Variants in FANCI observed in about 807,000 individuals in gnomAD.
FANCI encodes FA complementation group I, also known as Fanconi anemia group I protein.
A neutral mutation model predicts 176.1 loss-of-function variants in FANCI; 156 were observed. The observed-to-expected ratio is 0.89, with a 90% CI of 0.78 to 1.01. FANCI has a LOEUF of 1.01. FANCI is among the 50% of genes least tolerant of loss of function. The pLI is 0.00. For synonymous variants in FANCI, 613 were observed against 541.7 expected (o/e 1.13, Z -1.83); for missense variants, 1,678 against 1,534.1 (o/e 1.09, Z -1.57).
At chr15:89,310,393 A>T (rs1027428382) in intron 34 of FANCI, among the ~76,000 whole-genome samples, 11 of 152,088 alleles carry the variant, frequency 7.2e-5, no homozygotes, top group African/African-American at 2.7e-4. Context: ...GAAGGTTTTG[A>T]TTTTCGTGTT....
At chr15:89,288,338 A>C (rs76708160) in intron 18 of FANCI, among the ~76,000 whole-genome samples, 4,479 of 151,476 alleles carry the variant, frequency 0.03, 146 homozygotes, top group African/African-American at 0.08. Flanking sequence ...CTTCCCCCCC[A>C]AAAAAAATCT....
intron 34 of FANCI, among the ~76,000 whole-genome samples, chr15:89,308,587 A>T (rs1596329718): frequency 1.3e-5 from 2 of 152,308 alleles, no homozygotes; most frequent in South Asian, 2.1e-4. Flanking sequence ...TACAGGCACA[A>T]TATCATTCTA....
At chr15:89,277,811 C>T (rs1477416716) in intron 13 of FANCI, among the ~76,000 whole-genome samples, 1 of 152,062 alleles carries the variant, frequency 6.6e-6, no homozygotes, top group Admixed American at 6.6e-5. Context: ...AACAACTTTT[C>T]TAGTAATTCC....
Position 89,277,586 on chromosome 15 carries a change from TG to T in FANCI, c.1293+698del, listed in dbSNP as rs755731737. Among the ~76,000 whole-genome samples the T allele has an allele frequency of 2.8e-3, 382 of 137,092 alleles. 8 individuals are homozygous for T. Among genetic ancestry groups the T allele is most frequent in the East Asian group, 0.015 (72 of 4,780 alleles). 89.9% of individuals were successfully genotyped at this position (137,092 alleles called of 152,430 possible). A position where few individuals can be genotyped will look rare whatever the true frequency, so the allele number is the denominator to read the frequency against. On this transcript the variant is annotated intron_variant, in intron 13 of 37. Transcript: ENST00000310775. Reference sequence around the variant, plus strand: ...GTGTTTGCACCACTGCACTCCAGCCTGGGTAACAAAGTGAGATCCTATCTCA... The same window carrying T: ...GTGTTTGCACCACTGCACTCCAGCCTGGTAACAAAGTGAGATCCTATCTCA...
In FANCI at chr15:89,316,995, TA is replaced by T. The variant is rs2055290143; in HGVS notation, c.*538del. On this transcript the variant is annotated 3_prime_UTR_variant, in exon 38 of 38. Transcript: ENST00000310775. ...TAGGAGGGTCTGTTTTCTTTTTATA[TA>T]AGTGTGTCTTAGATATATTTTAAAT... is the stretch of plus-strand genomic sequence containing the variant. 1.5e-6 allele frequency: 1 copy of T among 653,052 alleles called. No individual in the cohort carries two copies. Among genetic ancestry groups the T allele is most frequent in the Non-Finnish European group, 2.8e-6 (1 of 363,598 alleles). 40.5% of individuals were successfully genotyped at this position (653,052 alleles called of 1,614,324 possible).
chr15:89,316,167 C>T (rs941219604), intron 37 of FANCI: 1 of 568,236 alleles, frequency 1.8e-6, no homozygotes, highest in East Asian at 3.0e-5. Context: ...TAAGTATCCT[C>T]AGTATAGCAA....
intron 34 of FANCI, among the ~76,000 whole-genome samples, chr15:89,308,722 A>G (rs1014573385): frequency 3.9e-5 from 6 of 152,102 alleles, no homozygotes; most frequent in African/African-American, 1.2e-4. Context: ...AGGCGGGTGG[A>G]TCACCTGAGG....
chr15:89,305,111 C>G lies in FANCI; in HGVS notation c.3059-4C>G, dbSNP rs747570773. The G allele has an allele frequency of 3.2e-5, 52 of 1,613,936 alleles. No homozygotes were observed. Among genetic ancestry groups the G allele is most frequent in the Non-Finnish European group, 4.2e-5 (50 of 1,180,012 alleles). On this transcript the variant is annotated splice_region_variant and splice_polypyrimidine_tract_variant and intron_variant, in intron 28 of 37. Transcript: ENST00000310775. ...TTTTAATTTGCTTTTCTTCCTATTC[C>G]TAGAGGATGCCTTGTTTTGCAAGAG...
chr15:89,308,945 C>CA (rs34633263), intron 34 of FANCI, among the ~76,000 whole-genome samples: 56,636 of 137,160 alleles, frequency 0.41, 11,188 homozygotes, highest in Non-Finnish European at 0.46. Context: ...AACTCCGTCT[C>CA]AAAAAAAAAA....
At chr15:89,288,165 A>G (rs2151655734) in intron 18 of FANCI, among the ~76,000 whole-genome samples, 1 of 152,348 alleles carries the variant, frequency 6.6e-6, no homozygotes, top group African/African-American at 2.4e-5. Flanking sequence ...ACATTGTTTA[A>G]ACAGTTAAGG....
chr15:89,252,613 G>T (rs923464139), intron 2 of FANCI, among the ~76,000 whole-genome samples: 1 of 152,090 alleles, frequency 6.6e-6, no homozygotes, highest in Non-Finnish European at 1.5e-5. Flanking sequence ...GGTGGTGCAC[G>T]CCTGTAGTCT....
At chr15:89,314,413 G>C (rs965895047) in intron 35 of FANCI, among the ~76,000 whole-genome samples, 199 bp from the exon 36 acceptor site, 2 of 152,230 alleles carry the variant, frequency 1.3e-5, no homozygotes, top group African/African-American at 2.4e-5. Flanking sequence ...AAATGGATCA[G>C]TGCAATTATC....
chr15:89,300,089 C>T, intron 25 of FANCI, 123 bp downstream of exon 25: 2 of 1,173,814 alleles, frequency 1.7e-6, no homozygotes, highest in Non-Finnish European at 2.5e-6. Flanking sequence ...TAAGGAGTGA[C>T]ATCTAGTGGA....
chr15:89,296,961 C>CG (rs1185400889), intron 24 of FANCI, among the ~76,000 whole-genome samples: 7 of 134,856 alleles, frequency 5.2e-5, no homozygotes, highest in East Asian at 4.4e-4. Flanking sequence ...GCTGGCCGGG[C>CG]GGGGGGCTGA....
chr15:89,265,045 T>C (rs1002179050), intron 9 of FANCI, among the ~76,000 whole-genome samples: 1 of 152,188 alleles, frequency 6.6e-6, no homozygotes, highest in Non-Finnish European at 1.5e-5. Flanking sequence ...CTACTTTAGA[T>C]TGGGTCAGGG....
rs753388189 is a variant in FANCI at position 89,264,656 on chromosome 15, C to T, written c.755+49C>T. 8 of 1,516,062 alleles carry T rather than the reference C, an allele frequency of 5.3e-6. No homozygotes were observed. The South Asian group carries it at 9.1e-5, about 17-fold the overall frequency. 93.9% of individuals were successfully genotyped at this position (1,516,062 alleles called of 1,614,324 possible). A position where few individuals can be genotyped will look rare whatever the true frequency, so the allele number is the denominator to read the frequency against. ...AAGATCATTTTTACAAATTCATCTT[C>T]TCATTGTGTATTTTAGCTATTTCAT... On this transcript the variant is annotated intron_variant, in intron 9 of 37. Coordinates refer to ENST00000310775, the MANE Select transcript of FANCI (RefSeq NM_001113378.2).
chr15:89,296,414 CGTTTTTTTT>C (rs1415650832), intron 24 of FANCI, among the ~76,000 whole-genome samples: 1 of 111,960 alleles, frequency 8.9e-6, no homozygotes, highest in Admixed American at 8.2e-5. Flanking sequence ...TTTGTTTTTT[CGTTTTTTTT>C]GTTTTGTTTT....
intron 14 of FANCI, among the ~76,000 whole-genome samples, chr15:89,280,596 A>G (rs2053577407): frequency 6.6e-6 from 1 of 152,072 alleles, no homozygotes; most frequent in African/African-American, 2.4e-5. Flanking sequence ...TTGCTTTCCT[A>G]ATATATACCA....
At chr15:89,296,922 A>AC (rs552587345) in intron 24 of FANCI, among the ~76,000 whole-genome samples, 3,118 of 125,340 alleles carry the variant, frequency 0.025, 93 homozygotes, top group Non-Finnish European at 0.037. Flanking sequence ...CGGGGGGCTG[A>AC]CCCCCCCACC....
Sources: gnomAD v4.1 joint callset for allele counts (sites outside exome capture counted in the v4.1 genomes callset) on GRCh38, gnomAD v4.1.1 for gene constraint, MANE v1.5 for transcripts, NCBI Gene and HGNC (gene_info 2026-07-23, HGNC 2026-07-21) for gene names.